Variants in ACOXL observed in about 807,000 individuals in gnomAD.
ACOXL encodes acyl-CoA oxidase like, also known as acyl-coenzyme A oxidase-like protein.
In ACOXL, 70 loss-of-function variants were observed where a neutral mutation model predicts 71.9. That is an observed-to-expected ratio of 0.97 (90% CI 0.80 to 1.19). The LOEUF is 1.19. Ranked by LOEUF, ACOXL falls within the 50% of genes most tolerant of loss-of-function variation. ACOXL has a pLI of 0.00. For synonymous variants in ACOXL, 253 were observed against 281.6 expected (o/e 0.90, Z 1.02); for missense variants, 703 against 736.3 (o/e 0.95, Z 0.52).
intron 10 of ACOXL, among the ~76,000 whole-genome samples, chr2:110,903,173 A>G (rs1309935300): frequency 1.3e-5 from 2 of 152,238 alleles, no homozygotes; most frequent in East Asian, 3.8e-4. Flanking sequence ...GGAAGTAATT[A>G]TCTTTTTAGT....
intron 12 of ACOXL, among the ~76,000 whole-genome samples, chr2:110,943,132 A>T (rs781215115): frequency 2.2e-4 from 31 of 137,970 alleles, no homozygotes; most frequent in Admixed American, 7.3e-4. Context: ...AGGAAGAAGG[A>T]AGGAAAGAAG....
intron 12 of ACOXL, among the ~76,000 whole-genome samples, chr2:110,935,739 A>T (rs2060637865): frequency 6.6e-6 from 1 of 151,792 alleles, no homozygotes; most frequent in Admixed American, 6.6e-5. Flanking sequence ...TTCCATAACA[A>T]CCAGTCCTCT....
chr2:111,042,924 C>T (rs1376946063), intron 15 of ACOXL, among the ~76,000 whole-genome samples: 2 of 152,122 alleles, frequency 1.3e-5, no homozygotes, highest in East Asian at 1.9e-4. Flanking sequence ...CAGTGGGGGT[C>T]GAAAGGAGGG....
intron 9 of ACOXL, among the ~76,000 whole-genome samples, chr2:110,805,953 G>C (rs1686587865): frequency 1.3e-5 from 2 of 152,220 alleles, no homozygotes; most frequent in Non-Finnish European, 2.9e-5. Context: ...CAGGGCCCCA[G>C]TCTACTTTGT....
At chr2:110,830,554 G>A (rs1689699567) in intron 9 of ACOXL, among the ~76,000 whole-genome samples, 1 of 150,380 alleles carries the variant, frequency 6.6e-6, no homozygotes, top group African/African-American at 2.5e-5. Flanking sequence ...TTTTTTTTGA[G>A]ACAGAGTCTT....
At chr2:110,981,307 G>T (rs2062699015) in intron 12 of ACOXL, among the ~76,000 whole-genome samples, 1 of 152,206 alleles carries the variant, frequency 6.6e-6, no homozygotes, top group Non-Finnish European at 1.5e-5. Context: ...GCAGTGAGCT[G>T]AGATCGCACC....
At chr2:110,927,705 G>A (rs529538611) in intron 11 of ACOXL, among the ~76,000 whole-genome samples, 12 of 152,266 alleles carry the variant, frequency 7.9e-5, no homozygotes, top group East Asian at 3.9e-4. Flanking sequence ...CAGAAGTTGC[G>A]AATCCTCAAT....
intron 11 of ACOXL, among the ~76,000 whole-genome samples, chr2:110,921,618 C>T (rs1421190475): frequency 6.6e-6 from 1 of 152,134 alleles, no homozygotes; most frequent in Non-Finnish European, 1.5e-5. Context: ...TGGTCTCAAT[C>T]TCCTGACCTC....
intron 2 of ACOXL, among the ~76,000 whole-genome samples, chr2:110,773,211 G>C (rs1682189072): frequency 6.6e-6 from 1 of 152,094 alleles, no homozygotes; most frequent in Non-Finnish European, 1.5e-5. Flanking sequence ...AGAATTTTAG[G>C]TAATCTCCGT....
intron 10 of ACOXL, among the ~76,000 whole-genome samples, chr2:110,900,323 A>G (rs1179613930): frequency 2.0e-5 from 3 of 152,288 alleles, no homozygotes; most frequent in Middle Eastern, 3.4e-3. Context: ...AAAATTTAAA[A>G]TGGCTTTCCT....
At chr2:110,886,468 C>T (rs1185264976) in intron 10 of ACOXL, among the ~76,000 whole-genome samples, 1 of 151,060 alleles carries the variant, frequency 6.6e-6, no homozygotes, top group Non-Finnish European at 1.5e-5. Flanking sequence ...CCTCCACATC[C>T]TGGGTTTAAG....
At position 111,062,979 on chromosome 2, in the gene ACOXL, G is replaced by A. The variant is rs2066892627; in HGVS notation, c.1440+13691G>A. On this transcript the variant is annotated intron_variant, in intron 16 of 17. Coordinates refer to ENST00000439055, the MANE Select transcript of ACOXL (RefSeq NM_001142807.4). ...CAGATTATATTAGTATATACTCTGT[G>A]CACATCAAAATGGTAGTAAGATAAT... Among the ~76,000 whole-genome samples, 2 of 152,162 alleles carry A rather than the reference G, an allele frequency of 1.3e-5. 1 individual carries two copies. The highest frequency in any genetic ancestry group is 1.3e-4 in the Admixed American group (2 of 15,280).
rs548333633 is a variant in ACOXL at position 110,781,381 on chromosome 2, C to T, written c.76-3351C>T. On this transcript the variant is annotated intron_variant, in intron 2 of 17. Coordinates refer to ENST00000439055, the MANE Select transcript of ACOXL (RefSeq NM_001142807.4). ...ACTTGGCCAGGCACAGTCGTTCACG[C>T]CTGTAATCCCAGCACTTTGGGAGGT... is the stretch of plus-strand genomic sequence containing the variant. 2.6e-3 allele frequency among the ~76,000 whole-genome samples: 403 copies of T among 152,164 alleles called. 2 individuals carry two copies. The highest frequency in any genetic ancestry group is 3.2e-3 in the Non-Finnish European group (219 of 68,006).
chr2:110,790,785 T>C (rs866510005), intron 3 of ACOXL, among the ~76,000 whole-genome samples: 3 of 152,028 alleles, frequency 2.0e-5, no homozygotes, highest in Middle Eastern at 3.4e-3. Context: ...AGCCTCAGGA[T>C]TTCTGTTTTA....
intron 17 of ACOXL, 48 bp from the exon 18 acceptor site, chr2:111,117,568 T>C (rs1405134234): frequency 1.0e-5 from 16 of 1,542,758 alleles, no homozygotes; most frequent in Non-Finnish European, 1.1e-5. Context: ...ACTAGATGGC[T>C]GTAAGTGTGC....
intron 12 of ACOXL, among the ~76,000 whole-genome samples, chr2:110,957,627 C>T (rs1489054908): frequency 3.9e-5 from 6 of 152,114 alleles, no homozygotes; most frequent in Non-Finnish European, 8.8e-5. Context: ...GTCCTGATAT[C>T]CTCTTATAAG....
At chr2:110,933,747 C>A in intron 12 of ACOXL, 105 bp downstream of exon 12, 1 of 1,372,464 alleles carries the variant, frequency 7.3e-7, no homozygotes, top group Non-Finnish European at 9.6e-7. Flanking sequence ...TAATAGAAAT[C>A]CCAACTGCCC....
chr2:110,927,440 G>A (rs769073137), intron 11 of ACOXL, among the ~76,000 whole-genome samples: 1 of 152,064 alleles, frequency 6.6e-6, no homozygotes, highest in Non-Finnish European at 1.5e-5. Flanking sequence ...CTCTACTGAG[G>A]CCTCCACACC....
chr2:110,862,919 C>T (rs566005587), intron 10 of ACOXL, among the ~76,000 whole-genome samples: 55 of 152,318 alleles, frequency 3.6e-4, no homozygotes, highest in Non-Finnish European at 4.3e-4. Flanking sequence ...CCTAGGGCCC[C>T]GCAGCAGCTA....
Sources: gnomAD v4.1 joint callset for allele counts (sites outside exome capture counted in the v4.1 genomes callset) on GRCh38, gnomAD v4.1.1 for gene constraint, MANE v1.5 for transcripts, NCBI Gene and HGNC (gene_info 2026-07-23, HGNC 2026-07-21) for gene names.